Variants in OBI1 observed in about 807,000 individuals in gnomAD.
OBI1 encodes the protein ORC ubiquitin ligase 1.
In OBI1, 59 loss-of-function variants were observed where a neutral mutation model predicts 62.4. That is an observed-to-expected ratio of 0.95 (90% CI 0.77 to 1.17). The LOEUF (loss-of-function observed/expected upper bound fraction) is 1.17, where lower values mean the gene tolerates loss of function less well. Among genes scored for constraint, OBI1 ranks in the 50% most tolerant of loss-of-function variants. The pLI is 0.00. For synonymous variants in OBI1, 302 were observed against 292.8 expected (o/e 1.03, Z -0.32); for missense variants, 875 against 830.9 (o/e 1.05, Z -0.65).
chr13:78,641,416 C>T (rs1876212343), intron 3 of OBI1, among the ~76,000 whole-genome samples: 1 of 152,142 alleles, frequency 6.6e-6, no homozygotes, highest in Non-Finnish European at 1.5e-5. Flanking sequence ...CTTCCATGTA[C>T]ACAGTTAAAC....
intron 3 of OBI1, among the ~76,000 whole-genome samples, chr13:78,640,135 G>T (rs1044300409): frequency 2.0e-5 from 3 of 151,904 alleles, no homozygotes; most frequent in African/African-American, 7.2e-5. Context: ...AAAACTTGAG[G>T]CATACTCAAC....
chr13:78,640,176 T>G (rs896951607), intron 3 of OBI1, among the ~76,000 whole-genome samples: 2 of 151,476 alleles, frequency 1.3e-5, no homozygotes, highest in Non-Finnish European at 2.9e-5. Context: ...GAAAGTACAT[T>G]GAGGGGGGCC....
intron 1 of OBI1, among the ~76,000 whole-genome samples, chr13:78,655,840 T>G (rs1445669275): frequency 6.6e-6 from 1 of 152,186 alleles, no homozygotes; most frequent in Non-Finnish European, 1.5e-5. Flanking sequence ...ATGCTCTATG[T>G]CAGGGAAGCA....
chr13:78,645,992 C>T (rs752148215), intron 1 of OBI1, among the ~76,000 whole-genome samples: 46 of 152,300 alleles, frequency 3.0e-4, no homozygotes, highest in Admixed American at 1.7e-3. Flanking sequence ...CATCTTTCAC[C>T]GCCCCAACCC....
intron 5 of OBI1, among the ~76,000 whole-genome samples, chr13:78,634,130 AC>A (rs1169853229): frequency 6.6e-6 from 1 of 151,876 alleles, no homozygotes; most frequent in African/African-American, 2.4e-5. Flanking sequence ...ACAAAAAAAA[AC>A]AAACTACTCC....
At chr13:78,646,189 C>T (rs1053419727) in intron 1 of OBI1, among the ~76,000 whole-genome samples, 5 of 152,090 alleles carry the variant, frequency 3.3e-5, no homozygotes, top group Non-Finnish European at 7.3e-5. Flanking sequence ...TGGTTTTCTC[C>T]ACAGCATTTA....
intron 5 of OBI1, among the ~76,000 whole-genome samples, chr13:78,634,214 T>C (rs1875952127): frequency 6.6e-6 from 1 of 152,120 alleles, no homozygotes; most frequent in African/African-American, 2.4e-5. Flanking sequence ...ATGTCCTAAA[T>C]TCTATTTCAG....
chr13:78,641,872 C>T (rs188959578), intron 3 of OBI1, among the ~76,000 whole-genome samples: 1 of 151,178 alleles, frequency 6.6e-6, no homozygotes, highest in Non-Finnish European at 1.5e-5. Context: ...TCCATCTGTT[C>T]CTTTTTTCTG....
intron 5 of OBI1, chr13:78,617,338 G>A: frequency 2.4e-6 from 1 of 422,690 alleles, no homozygotes; most frequent in Non-Finnish European, 4.2e-6. Flanking sequence ...AACCTAATAG[G>A]ATATTTTTGT....
chr13:78,624,764 G>T lies in OBI1; in HGVS notation c.639-7642C>A, dbSNP rs555112464. 2.0e-5 allele frequency among the ~76,000 whole-genome samples: 3 copies of T among 152,154 alleles called. No homozygotes were observed. In the South Asian group the frequency reaches 6.2e-4, roughly 32 times the overall value. On this transcript the variant is annotated intron_variant, in intron 5 of 5. Transcript: ENST00000282003. ...CCACATAGTATTGGGTCAGCAGGTGGATAAGGAGAAATACAGAACTAAACT... is the reference window on the plus strand; with the variant it reads ...CCACATAGTATTGGGTCAGCAGGTGTATAAGGAGAAATACAGAACTAAACT...
chr13:78,620,814 CG>C (rs1875485487), intron 5 of OBI1: 2 of 345,716 alleles, frequency 5.8e-6, no homozygotes, highest in South Asian at 4.6e-5. Context: ...AAAAACAGGA[CG>C]TGTTTGAAGA....
intron 5 of OBI1, among the ~76,000 whole-genome samples, chr13:78,621,662 G>A (rs1402005156): frequency 6.6e-6 from 1 of 152,232 alleles, no homozygotes. Context: ...TTACAACAAT[G>A]TCAGTCCATT....
At chr13:78,627,275 T>C (rs1875700254) in intron 5 of OBI1, among the ~76,000 whole-genome samples, 1 of 143,772 alleles carries the variant, frequency 7.0e-6, no homozygotes, top group African/African-American at 2.6e-5. Context: ...ACATACACAT[T>C]CCCCCATCCC....
In OBI1 at chr13:78,644,948, C is replaced by A; in HGVS notation, c.122G>T (p.Cys41Phe). Reference protein sequence around the residue: ...CINNHVFCSICIDLWLKNNSQ... With the variant: ...CINNHVFCSIFIDLWLKNNSQ... ...ATTATTCTTCAACCACAAATCAATA[C>A]AAATCGAACAAAATACATGGTTGTT... Residue 41 changes from cysteine to phenylalanine, a missense_variant, in exon 2 of 6, where the codon TGT (cysteine) becomes TTT (phenylalanine). Cys to Phe is a radical substitution (Grantham distance 205). Coordinates refer to ENST00000282003, the MANE Select transcript of OBI1 (RefSeq NM_024546.4). The A allele has an allele frequency of 1.2e-6, 2 of 1,613,760 alleles. No individual in the cohort carries two copies. The highest frequency in any genetic ancestry group is 1.7e-6 in the Non-Finnish European group (2 of 1,179,858).
At chr13:78,639,237 TA>T (rs1284651838) in intron 3 of OBI1, among the ~76,000 whole-genome samples, 166 bp from the exon 4 acceptor site, 1 of 152,264 alleles carries the variant, frequency 6.6e-6, no homozygotes, top group Non-Finnish European at 1.5e-5. Flanking sequence ...ACATACAGTT[TA>T]AATTCTCAAA....
At chr13:78,626,483 A>T (rs1366303783) in intron 5 of OBI1, among the ~76,000 whole-genome samples, 1 of 152,224 alleles carries the variant, frequency 6.6e-6, no homozygotes, top group Non-Finnish European at 1.5e-5. Flanking sequence ...AGGGTAGAAG[A>T]AGAGTAATCA....
In OBI1 at chr13:78,617,089, G is replaced by A. The variant is rs756350409; in HGVS notation, c.672C>T (p.Ser224=). 7 of 1,575,082 alleles carry A rather than the reference G, an allele frequency of 4.4e-6. No homozygotes were observed. Among genetic ancestry groups the A allele is most frequent in the Non-Finnish European group, 6.0e-6 (7 of 1,162,852 alleles). The change falls in exon 6 of 6, where the codon TCC becomes TCT. Residue 224 remains serine (S), a synonymous_variant. Coordinates refer to ENST00000282003, the MANE Select transcript of OBI1 (RefSeq NM_024546.4). ...TTTCACGCTCATACTGTTCTACTTT[G>A]GACTGAAGAGCAGCAACTGCAAACC... ...FGRFAVAALQ[S]KVEQYERETN...
chr13:78,627,249 G>A (rs1219671176), intron 5 of OBI1, among the ~76,000 whole-genome samples: 1 of 144,354 alleles, frequency 6.9e-6, no homozygotes, highest in Non-Finnish European at 1.5e-5. Context: ...GGGGGATTAT[G>A]AATATGATTT....
In OBI1 at chr13:78,659,138, C is replaced by G. The variant is rs776704010; in HGVS notation, c.-18G>C. On this transcript the variant is annotated 5_prime_UTR_variant, in exon 1 of 6. Coordinates refer to ENST00000282003, the MANE Select transcript of OBI1 (RefSeq NM_024546.4). ...TGAGCCATGGCAGCGTTCAGAATCC[C>G]GCCAACACGGAAGTCCCGCCGACCT... 3.1e-6 allele frequency: 5 copies of G among 1,607,818 alleles called. No individual in the cohort carries two copies. In the South Asian group the frequency reaches 5.5e-5, roughly 18 times the overall value.
Sources: allele counts gnomAD v4.1 joint callset (sites outside exome capture counted in the v4.1 genomes callset), GRCh38; gene constraint gnomAD v4.1.1; transcripts MANE v1.5; gene names NCBI Gene and HGNC (gene_info 2026-07-23, HGNC 2026-07-21).